AGBL4: variants seen among roughly 807,000 people sequenced by gnomAD.
AGBL4 encodes AGBL carboxypeptidase 4.
A neutral mutation model predicts 66.4 loss-of-function variants in AGBL4; 58 were observed. The observed-to-expected ratio is 0.87, with a 90% CI of 0.71 to 1.09. The LOEUF is 1.09. Ranked by LOEUF, AGBL4 falls within the 50% of genes least tolerant of loss-of-function variation. The pLI is 0.00. For synonymous variants in AGBL4, 234 were observed against 222.9 expected (o/e 1.05, Z -0.44); for missense variants, 579 against 631.0 (o/e 0.92, Z 0.88).
At chr1:49,014,300 G>A (rs1324353956) in intron 5 of AGBL4, among the ~76,000 whole-genome samples, 1 of 152,204 alleles carries the variant, frequency 6.6e-6, no homozygotes. Flanking sequence ...CCAGGCAGAG[G>A]AAAGAGCAAT....
intron 3 of AGBL4, among the ~76,000 whole-genome samples, chr1:49,369,859 C>T (rs1320950936): frequency 1.3e-5 from 2 of 151,804 alleles, no homozygotes; most frequent in Non-Finnish European, 2.9e-5. Context: ...CATTGGTGAA[C>T]TTTAGATAAA....
chr1:48,677,271 T>C (rs535937058), intron 6 of AGBL4, among the ~76,000 whole-genome samples: 106 of 152,314 alleles, frequency 7.0e-4, no homozygotes, highest in Non-Finnish European at 1.1e-3. Flanking sequence ...CTCAGGGAAC[T>C]CACAAAGCTT....
intron 6 of AGBL4, among the ~76,000 whole-genome samples, chr1:48,814,064 C>T (rs1256258919): frequency 2.6e-5 from 4 of 151,884 alleles, no homozygotes; most frequent in African/African-American, 9.7e-5. Flanking sequence ...TTTTTGAATC[C>T]CCTGGCAAAA....
At chr1:49,828,037 G>A (rs911820517) in intron 2 of AGBL4, among the ~76,000 whole-genome samples, 1 of 151,904 alleles carries the variant, frequency 6.6e-6, no homozygotes, top group African/African-American at 2.4e-5. Flanking sequence ...GTGCATAATT[G>A]CATTTTTATT....
chr1:49,915,763 A>T (rs1471864670), intron 1 of AGBL4, among the ~76,000 whole-genome samples: 3 of 152,110 alleles, frequency 2.0e-5, no homozygotes, highest in Non-Finnish European at 4.4e-5. Flanking sequence ...GGAGTCTGAG[A>T]TCTGAGAACG....
rs1005117680 is a variant in AGBL4 at position 49,283,097 on chromosome 1, A to T, written c.283-37233T>A. ...ACAGACAAACAAAAAGACAGCACTA[A>T]CCTCTGCAGACTTAAATGTCCCTGT... On this transcript the variant is annotated intron_variant, in intron 3 of 13. Transcript: ENST00000371839. Among the ~76,000 whole-genome samples the T allele has an allele frequency of 1.3e-4, 20 of 152,258 alleles. No individual in the cohort carries two copies. In the East Asian group the frequency reaches 3.7e-3, roughly 28 times the overall value.
chr1:49,666,339 T>C (rs1374042028), intron 3 of AGBL4, among the ~76,000 whole-genome samples: 1 of 151,970 alleles, frequency 6.6e-6, no homozygotes, highest in East Asian at 1.9e-4. Flanking sequence ...CCCAAGCGGG[T>C]GGATCATTTG....
chr1:49,102,848 C>G (rs1645228646), intron 4 of AGBL4, among the ~76,000 whole-genome samples: 1 of 152,172 alleles, frequency 6.6e-6, no homozygotes, highest in Non-Finnish European at 1.5e-5. Flanking sequence ...CCTGGTTCCA[C>G]TATCACTTGT....
chr1:49,853,281 G>A (rs1646350602), intron 1 of AGBL4, among the ~76,000 whole-genome samples: 1 of 152,080 alleles, frequency 6.6e-6, no homozygotes, highest in South Asian at 2.1e-4. Context: ...AATTTCATCA[G>A]TAAGACAGAA....
chr1:49,655,988 A>T (rs1646120940), intron 3 of AGBL4, among the ~76,000 whole-genome samples: 1 of 152,092 alleles, frequency 6.6e-6, no homozygotes, highest in Non-Finnish European at 1.5e-5. Flanking sequence ...CTCTATTAAA[A>T]ATACAAAAAT....
intron 4 of AGBL4, among the ~76,000 whole-genome samples, chr1:49,142,651 C>T (rs1450328254): frequency 6.6e-6 from 1 of 152,088 alleles, no homozygotes; most frequent in Non-Finnish European, 1.5e-5. Flanking sequence ...AGGGCCATGA[C>T]ATTTAGTATT....
chr1:48,840,096 A>G (rs1368329591), intron 6 of AGBL4, among the ~76,000 whole-genome samples: 1 of 152,132 alleles, frequency 6.6e-6, no homozygotes. Context: ...GGAAGAAATG[A>G]GTCTGATGTT....
intron 2 of AGBL4, among the ~76,000 whole-genome samples, chr1:49,799,659 A>T (rs968150017): frequency 1.3e-5 from 2 of 152,140 alleles, no homozygotes; most frequent in African/African-American, 4.8e-5. Flanking sequence ...AGGAAGTGAA[A>T]GGGCATCTTG....
chr1:49,884,608 A>G (rs890810035), intron 1 of AGBL4, among the ~76,000 whole-genome samples: 4 of 151,772 alleles, frequency 2.6e-5, no homozygotes, highest in African/African-American at 9.7e-5. Context: ...AGTATGCAAA[A>G]TATTTGTCCC....
intron 1 of AGBL4, among the ~76,000 whole-genome samples, chr1:49,942,490 T>G (rs966661188): frequency 1.3e-5 from 2 of 152,014 alleles, no homozygotes; most frequent in Non-Finnish European, 2.9e-5. Flanking sequence ...AATAGACATA[T>G]AGACCAACAA....
At chr1:49,593,630 A>G (rs1644796541) in intron 3 of AGBL4, among the ~76,000 whole-genome samples, 1 of 152,220 alleles carries the variant, frequency 6.6e-6, no homozygotes, top group South Asian at 2.1e-4. Flanking sequence ...GATTGTCGCT[A>G]TATGAACCCA....
At chr1:49,948,043 AATATATAAAT>A (rs1244500152) in intron 1 of AGBL4, among the ~76,000 whole-genome samples, 19 of 6,920 alleles carry the variant, frequency 2.7e-3, no homozygotes, top group Middle Eastern at 0.083. Flanking sequence ...TATACATATA[AATATATAAAT>A]ATATATATGT....
At position 49,033,822 on chromosome 1, in the gene AGBL4, C is replaced by CT. The variant is rs79769191; in HGVS notation, c.594+11761dup. 9.3e-3 allele frequency among the ~76,000 whole-genome samples: 1,307 copies of CT among 140,980 alleles called. 10 individuals carry two copies. Among genetic ancestry groups the CT allele is most frequent in the Middle Eastern group, 0.037 (10 of 272 alleles). The allele number at this position is 140,980 out of a possible 152,430, so 92.5% of individuals were successfully genotyped here. On this transcript the variant is annotated intron_variant, in intron 5 of 13. Transcript: ENST00000371839. The stretch of plus-strand genomic sequence containing the variant: ...ATGATTCAGCTTCCTTTTTCCTTTT[C>CT]TTTTTTTTTTTTTTTACTTCTCAGA...
chr1:49,053,087 CTCA>C (rs902221240), intron 4 of AGBL4, among the ~76,000 whole-genome samples: 22 of 152,110 alleles, frequency 1.4e-4, no homozygotes, highest in Admixed American at 1.0e-3. Context: ...AAATGTGATA[CTCA>C]TCATGCTGTG....
Sources: allele counts gnomAD v4.1 joint callset (sites outside exome capture counted in the v4.1 genomes callset), GRCh38; gene constraint gnomAD v4.1.1; transcripts MANE v1.5; gene names NCBI Gene and HGNC (gene_info 2026-07-23, HGNC 2026-07-21).